Variants in DOP1B observed in about 807,000 individuals in gnomAD.
DOP1B encodes the protein protein DOP1B.
A neutral mutation model predicts 233.5 loss-of-function variants in DOP1B; 174 were observed. The ratio of observed to expected loss-of-function variants is 0.75; its 90% confidence interval spans 0.66 to 0.85. The LOEUF (loss-of-function observed/expected upper bound fraction) is 0.85. Ranked by LOEUF, DOP1B falls within the 40% of genes least tolerant of loss-of-function variation. The probability of loss-of-function intolerance (pLI) is 0.00; values close to 1 mark genes in which losing one functional copy is unlikely to be tolerated. For missense variants in DOP1B, 2,652 were observed against 2,846.6 expected, an observed-to-expected ratio of 0.93 and a Z score of 1.56; for synonymous variants, 1,190 against 1,185.6, an observed-to-expected ratio of 1.00 and a Z score of -0.08.
Position 36,289,637 on chromosome 21 carries a change from C to T in DOP1B, c.6515+431C>T, listed in dbSNP as rs187757785. On this transcript the variant is annotated intron_variant, in intron 35 of 36. Coordinates refer to ENST00000691173, the MANE Select transcript of DOP1B (RefSeq NM_001320714.2). ...CCCATAGGCTTATGTTTCCTGCCGG[C>T]TTAGCACAGCTGCTCATTTGTTTAA... Among the ~76,000 whole-genome samples, 17 of 152,264 alleles carry T rather than the reference C, an allele frequency of 1.1e-4. No individual in the cohort carries two copies. In the East Asian group the frequency reaches 2.7e-3, roughly 24 times the overall value.
chr21:36,259,540 C>T (rs1032484675), intron 23 of DOP1B, among the ~76,000 whole-genome samples: 3 of 152,186 alleles, frequency 2.0e-5, no homozygotes, highest in African/African-American at 4.8e-5. Context: ...CCCAAACTTC[C>T]GGGATTATAG....
intron 18 of DOP1B, among the ~76,000 whole-genome samples, chr21:36,244,512 C>T (rs1045782576): frequency 6.6e-6 from 1 of 152,084 alleles, no homozygotes; most frequent in African/African-American, 2.4e-5. Flanking sequence ...GCAACCTCTG[C>T]CTCCTGGGTT....
At chr21:36,247,689 A>G (rs2066984460) in intron 20 of DOP1B, 61 bp downstream of exon 20, 2 of 1,267,260 alleles carry the variant, frequency 1.6e-6, no homozygotes, top group East Asian at 2.4e-5. Context: ...TCTTTGGGCT[A>G]TGACTGTTTC....
intron 2 of DOP1B, among the ~76,000 whole-genome samples, chr21:36,194,485 CTCTTTT>C (rs2066266648): frequency 1.6e-5 from 2 of 124,564 alleles, no homozygotes. Flanking sequence ...CTCTCTCTCT[CTCTTTT>C]TTTTTTTTTT....
chr21:36,206,432 A>G (rs1249634196), intron 4 of DOP1B, among the ~76,000 whole-genome samples: 1 of 151,840 alleles, frequency 6.6e-6, no homozygotes, highest in East Asian at 1.9e-4. Flanking sequence ...TCAGAGGCTG[A>G]GGCAGGAAAA....
intron 18 of DOP1B, among the ~76,000 whole-genome samples, chr21:36,244,614 C>T (rs975053354): frequency 1.3e-5 from 2 of 151,834 alleles, no homozygotes; most frequent in Non-Finnish European, 2.9e-5. Context: ...TTAGTAGAGA[C>T]AGGGTTTCAC....
chr21:36,207,844 G>C (rs560271516), intron 4 of DOP1B, among the ~76,000 whole-genome samples: 1 of 152,300 alleles, frequency 6.6e-6, no homozygotes, highest in South Asian at 2.1e-4. Flanking sequence ...CTGTTTTACT[G>C]GTAGATGCTG....
At chr21:36,248,984 A>T (rs2067002019) in intron 21 of DOP1B, among the ~76,000 whole-genome samples, 1 of 151,816 alleles carries the variant, frequency 6.6e-6, no homozygotes, top group Non-Finnish European at 1.5e-5. Context: ...ACGTGTCTGT[A>T]ATCCCAGCTA....
chr21:36,175,892 G>A (rs990868938), intron 2 of DOP1B: 6 of 152,434 alleles, frequency 3.9e-5, no homozygotes, highest in African/African-American at 1.4e-4. Context: ...GAGTTTGAGA[G>A]GGATACAGTT....
rs762776773 is a variant in DOP1B, at chr21:36,289,162, C to G, written c.6471C>G (p.Asp2157Glu). ...ATTTATCAGCTTGCAAATTCTTGGACACAGCGCTTTCTTTTCCACCTGACA... is the reference window on the plus strand; with the variant it reads ...ATTTATCAGCTTGCAAATTCTTGGAGACAGCGCTTTCTTTTCCACCTGACA... Reference protein sequence around the residue: ...ILYLSACKFLDTALSFPPDKM... With the variant: ...ILYLSACKFLETALSFPPDKM... Residue 2157 changes from aspartate (D) to glutamate (E), a missense_variant, in exon 35 of 37, where the codon GAC becomes GAG. Asp to Glu is a conservative substitution (Grantham distance 45). This residue lies in a region of DOP1B where 2,617 missense variants were observed against 2,794.3 expected (regional missense o/e 0.94). Coordinates refer to ENST00000691173, the MANE Select transcript of DOP1B (RefSeq NM_001320714.2). 1.1e-5 allele frequency: 17 copies of G among 1,613,964 alleles called. No individual in the cohort carries two copies. Among genetic ancestry groups the G allele is most frequent in the Non-Finnish European group, 1.3e-5 (15 of 1,180,016 alleles).
In DOP1B at chr21:36,170,112, A is replaced by G. The variant is rs112692775; in HGVS notation, c.138+5241A>G. The G allele has an allele frequency of 9.8e-4, 592 of 605,644 alleles. 1 individual carries two copies. The highest frequency in any genetic ancestry group is 4.4e-3 in the African/African-American group (236 of 53,780). The allele number at this position is 605,644 out of a possible 1,614,324, so 37.5% of individuals were successfully genotyped here. A position where few individuals can be genotyped will look rare whatever the true frequency, so the allele number is the denominator to read the frequency against. On this transcript the variant is annotated intron_variant, in intron 2 of 36. Coordinates refer to ENST00000691173, the MANE Select transcript of DOP1B (RefSeq NM_001320714.2). Reference sequence around the variant, plus strand: ...AGCTCTTCACCTTCCCACGTTGCCTATTTCTTCACTCCTATGGCAGGAAGC... The same window carrying G: ...AGCTCTTCACCTTCCCACGTTGCCTGTTTCTTCACTCCTATGGCAGGAAGC...
chr21:36,176,563 GGGTGGA>G (rs2066034395), intron 2 of DOP1B, among the ~76,000 whole-genome samples: 1 of 152,152 alleles, frequency 6.6e-6, no homozygotes, highest in African/African-American at 2.4e-5. Flanking sequence ...ATGACCGTGA[GGGTGGA>G]GGTGGCCAGG....
rs150843337 is a variant in DOP1B at position 36,277,074 on chromosome 21, G to A, written c.5686G>A (p.Val1896Met). The change falls in exon 28 of 37, where the codon GTG (valine) becomes ATG (methionine). Residue 1896 changes from valine to methionine, a missense_variant. Coordinates refer to ENST00000691173, the MANE Select transcript of DOP1B (RefSeq NM_001320714.2). ...VSSSAPSVYS[V>M]QALSLLAEVL... ...TTCATCCGCCCCGTCGGTGTACAGCGTGCAAGCCCTCTCTCTCCTGGCAGA... is the reference window on the plus strand; with the variant it reads ...TTCATCCGCCCCGTCGGTGTACAGCATGCAAGCCCTCTCTCTCCTGGCAGA... The A allele has an allele frequency of 8.7e-6, 14 of 1,613,942 alleles. No homozygotes were observed. The highest frequency in any genetic ancestry group is 6.7e-5 in the Admixed American group (4 of 59,978).
chr21:36,176,937 G>C (rs1049377598), intron 2 of DOP1B, among the ~76,000 whole-genome samples: 3 of 152,096 alleles, frequency 2.0e-5, no homozygotes, highest in African/African-American at 7.2e-5. Flanking sequence ...TCCTGCCCCA[G>C]GCTCCTGAGT....
chr21:36,169,814 G>C (rs1321644953), intron 2 of DOP1B: 1 of 1,154,876 alleles, frequency 8.7e-7, no homozygotes. Flanking sequence ...CTAGATTTAT[G>C]CCGGTTGTTA....
intron 31 of DOP1B, among the ~76,000 whole-genome samples, chr21:36,281,109 G>T (rs958084604): frequency 1.3e-5 from 2 of 152,102 alleles, no homozygotes; most frequent in Non-Finnish European, 2.9e-5. Flanking sequence ...TTCAAGACCA[G>T]CCTGGGCAAC....
intron 4 of DOP1B, among the ~76,000 whole-genome samples, chr21:36,207,271 G>A (rs2066437727): frequency 6.7e-6 from 1 of 148,722 alleles, no homozygotes; most frequent in Non-Finnish European, 1.5e-5. Context: ...TGCAAACTCC[G>A]CCTCCCGGCT....
chr21:36,218,472 G>GA (rs1407930518), intron 9 of DOP1B, among the ~76,000 whole-genome samples: 1 of 152,052 alleles, frequency 6.6e-6, no homozygotes, highest in African/African-American at 2.4e-5. Flanking sequence ...GCAGTGAGCT[G>GA]AAATCATGCC....
At chr21:36,285,810 C>A (rs941437343) in intron 32 of DOP1B, among the ~76,000 whole-genome samples, 1 of 152,036 alleles carries the variant, frequency 6.6e-6, no homozygotes, top group Non-Finnish European at 1.5e-5. Flanking sequence ...AGTTCAAGAC[C>A]AACCTGGCCA....
Sources: allele counts gnomAD v4.1 joint callset (sites outside exome capture counted in the v4.1 genomes callset), GRCh38; gene constraint gnomAD v4.1.1; regional missense constraint gnomAD v4.1.1; transcripts MANE v1.5; gene names NCBI Gene and HGNC (gene_info 2026-07-23, HGNC 2026-07-21).